Variants in BABAM2 observed in about 807,000 individuals in gnomAD.
The protein encoded by BABAM2 is BRISC and BRCA1-A complex member 2.
BABAM2 carries 31 observed loss-of-function variants against 54.7 expected under a neutral mutation model. The observed-to-expected ratio is 0.57, with a 90% CI of 0.43 to 0.77. BABAM2 has a LOEUF of 0.77. Among genes scored for constraint, BABAM2 ranks in the 30% least tolerant of loss-of-function variants. The pLI, the probability that BABAM2 is intolerant of heterozygous loss-of-function variation, is 0.00. For synonymous variants in BABAM2, 167 were observed against 162.9 expected (o/e 1.03, Z -0.19); for missense variants, 364 against 455.8 (o/e 0.80, Z 1.83).
At chr2:28,280,388 C>T (rs1307029437) in intron 10 of BABAM2, among the ~76,000 whole-genome samples, 1 of 152,072 alleles carries the variant, frequency 6.6e-6, no homozygotes, top group Non-Finnish European at 1.5e-5. Flanking sequence ...ATTTAAAAAT[C>T]CCACAGGTCA....
At chr2:28,327,319 C>T in intron 11 of BABAM2, 1 of 1,613,772 alleles carries the variant, frequency 6.2e-7, no homozygotes. Context: ...GGGAGCAAGT[C>T]CTGGCCTTTG....
intron 4 of BABAM2, among the ~76,000 whole-genome samples, chr2:28,008,121 A>C (rs1318901106): frequency 6.6e-6 from 1 of 152,202 alleles, no homozygotes; most frequent in Non-Finnish European, 1.5e-5. Context: ...TTATAATCTC[A>C]TAGAAAGACA....
intron 7 of BABAM2, among the ~76,000 whole-genome samples, chr2:28,171,360 T>C (rs1200478394): frequency 1.3e-5 from 2 of 152,208 alleles, no homozygotes; most frequent in African/African-American, 4.8e-5. Flanking sequence ...TTCAAAGCAC[T>C]TCCTATATGT....
intron 10 of BABAM2, among the ~76,000 whole-genome samples, chr2:28,294,295 A>T (rs1687511064): frequency 6.6e-6 from 1 of 151,576 alleles, no homozygotes; most frequent in African/African-American, 2.4e-5. Flanking sequence ...CAAGAGAACC[A>T]CTTGAACCTG....
intron 5 of BABAM2, among the ~76,000 whole-genome samples, chr2:28,029,666 G>T (rs920295947): frequency 2.6e-5 from 4 of 152,100 alleles, no homozygotes; most frequent in African/African-American, 9.7e-5. Flanking sequence ...GAACATAGGT[G>T]TGCAACTATC....
At chr2:28,294,731 T>C (rs1281232499) in intron 10 of BABAM2, among the ~76,000 whole-genome samples, 1 of 152,250 alleles carries the variant, frequency 6.6e-6, no homozygotes, top group Non-Finnish European at 1.5e-5. Context: ...TAAGCCATCA[T>C]TTTATTGACC....
At chr2:28,023,158 A>G (rs996090588) in intron 4 of BABAM2, among the ~76,000 whole-genome samples, 3 of 152,222 alleles carry the variant, frequency 2.0e-5, no homozygotes, top group Non-Finnish European at 4.4e-5. Context: ...AATCACTTGA[A>G]ATGAATTCAA....
chr2:27,890,089 C>T (rs1233614542), upstream of BABAM2: 4 of 601,414 alleles, frequency 6.7e-6, no homozygotes, highest in South Asian at 8.1e-5. This position sits in a 1 kb window ranked among gnomAD's most constrained non-coding sequence, Gnocchi z 4.8. Flanking sequence ...TACTCAAGTT[C>T]TTTCATGCCA....
chr2:28,220,409 G>A (rs189295038), intron 7 of BABAM2, among the ~76,000 whole-genome samples: 1 of 152,280 alleles, frequency 6.6e-6, no homozygotes, highest in East Asian at 1.9e-4. Flanking sequence ...AGCTGCTATT[G>A]ATGTTCTTCT....
rs1558346816 is a variant in BABAM2, at chr2:28,112,150, C to CTTTCTTT, written c.571-17121_571-17120insTTTCTTT. 3.7e-3 allele frequency among the ~76,000 whole-genome samples: 7 copies of CTTTCTTT among 1,868 alleles called. 1 individual carries two copies. The highest frequency in any genetic ancestry group is 0.022 in the East Asian group (1 of 46). 1.2% of individuals were successfully genotyped at this position (1,868 alleles called of 152,430 possible). On this transcript the variant is annotated intron_variant, in intron 6 of 11. Coordinates refer to ENST00000379624, the MANE Select transcript of BABAM2 (RefSeq NM_199191.3). Reference sequence around the variant, plus strand: ...CTTTCTTTCTTTCTTTCTTTCTTTACCTCCCTCCCTCCCTCCCTCCCTCCC... The same window carrying CTTTCTTT: ...CTTTCTTTCTTTCTTTCTTTCTTTACTTTCTTTCTCCCTCCCTCCCTCCCTCCCTCCC...
intron 7 of BABAM2, among the ~76,000 whole-genome samples, chr2:28,177,366 A>G (rs939042911): frequency 6.6e-6 from 1 of 152,194 alleles, no homozygotes; most frequent in Non-Finnish European, 1.5e-5. Flanking sequence ...AAACTGAGGA[A>G]ATTCATCACC....
chr2:28,220,522 C>CCTCT (rs34705365), intron 7 of BABAM2, among the ~76,000 whole-genome samples: 1 of 149,822 alleles, frequency 6.7e-6, no homozygotes, highest in African/African-American at 2.4e-5. Context: ...TACCTTAGTG[C>CCTCT]CTCTCTCTCT....
At chr2:28,144,822 G>A (rs1671357685) in intron 7 of BABAM2, among the ~76,000 whole-genome samples, 2 of 152,208 alleles carry the variant, frequency 1.3e-5, no homozygotes, top group African/African-American at 2.4e-5. Flanking sequence ...CAGATGTTAA[G>A]TAACTGTCAG....
chr2:28,207,764 G>A (rs944564393), intron 7 of BABAM2, among the ~76,000 whole-genome samples: 36 of 152,120 alleles, frequency 2.4e-4, no homozygotes, highest in African/African-American at 8.2e-4. Flanking sequence ...ACCTCCAAAG[G>A]ATTTTAAGTT....
intron 3 of BABAM2, among the ~76,000 whole-genome samples, chr2:27,931,411 T>A (rs1310520459): frequency 1.3e-5 from 2 of 152,170 alleles, no homozygotes; most frequent in African/African-American, 4.8e-5. Context: ...GATCTCCATA[T>A]CTTTAAATAA....
At chr2:28,286,794 A>C (rs1005293490) in intron 10 of BABAM2, among the ~76,000 whole-genome samples, 1 of 152,140 alleles carries the variant, frequency 6.6e-6, no homozygotes, top group Non-Finnish European at 1.5e-5. Context: ...CAGTGAGTTG[A>C]GGGCATGCTG....
intron 8 of BABAM2, among the ~76,000 whole-genome samples, chr2:28,237,942 C>T (rs747747683): frequency 2.6e-5 from 4 of 152,172 alleles, no homozygotes; most frequent in Middle Eastern, 6.8e-3. Context: ...AACCTCCTCC[C>T]GGGTTCAAGC....
At chr2:28,015,522 A>G (rs1192308950) in intron 4 of BABAM2, among the ~76,000 whole-genome samples, 2 of 152,108 alleles carry the variant, frequency 1.3e-5, no homozygotes. Flanking sequence ...TGTATTATCT[A>G]CCAGAGTTAT....
chr2:28,312,964 C>G (rs1689203850), intron 11 of BABAM2, among the ~76,000 whole-genome samples: 1 of 152,160 alleles, frequency 6.6e-6, no homozygotes, highest in African/African-American at 2.4e-5. Flanking sequence ...TGGTCCAAAG[C>G]CCAGCCCAAG....
Sources: gnomAD v4.1 joint callset for allele counts (sites outside exome capture counted in the v4.1 genomes callset) on GRCh38, gnomAD v4.1.1 for gene constraint, Gnocchi (gnomAD v3.1) non-coding constraint, MANE v1.5 for transcripts, NCBI Gene and HGNC (gene_info 2026-07-23, HGNC 2026-07-21) for gene names.